ADGRB3: variants seen among roughly 807,000 people sequenced by gnomAD.
The protein encoded by ADGRB3 is adhesion G protein-coupled receptor B3.
A neutral mutation model predicts 193.4 loss-of-function variants in ADGRB3; 37 were observed. The ratio of observed to expected loss-of-function variants is 0.19; its 90% confidence interval spans 0.15 to 0.25. The LOEUF is 0.25. Ranked by LOEUF, ADGRB3 falls within the 10% of genes least tolerant of loss-of-function variation. The pLI is 1.00. For missense variants in ADGRB3, 1,637 were observed against 1,852.9 expected, an observed-to-expected ratio of 0.88 and a Z score of 2.14; for synonymous variants, 690 against 644.2, an observed-to-expected ratio of 1.07 and a Z score of -1.08.
intron 3 of ADGRB3, among the ~76,000 whole-genome samples, chr6:68,669,824 T>C (rs1221187248): frequency 2.0e-5 from 3 of 151,964 alleles, no homozygotes; most frequent in African/African-American, 7.2e-5. Context: ...GCTCAATTTT[T>C]AGATTTTTAC....
At chr6:69,070,598 G>A (rs774441099) in intron 16 of ADGRB3, among the ~76,000 whole-genome samples, 1 of 152,118 alleles carries the variant, frequency 6.6e-6, no homozygotes, top group Non-Finnish European at 1.5e-5. Flanking sequence ...TGTATCATGA[G>A]CAGTGATTCT....
intron 17 of ADGRB3, among the ~76,000 whole-genome samples, chr6:69,157,302 T>C (rs1013320110): frequency 6.6e-6 from 1 of 152,184 alleles, no homozygotes; most frequent in African/African-American, 2.4e-5. Flanking sequence ...GCAAGTGTCA[T>C]GTGCCAAGAA....
At chr6:68,708,492 G>T (rs118119914) in intron 3 of ADGRB3, among the ~76,000 whole-genome samples, 1 of 152,126 alleles carries the variant, frequency 6.6e-6, no homozygotes, top group Non-Finnish European at 1.5e-5. Flanking sequence ...TAAGAAAAAT[G>T]ACATTCTCCA....
intron 3 of ADGRB3, among the ~76,000 whole-genome samples, chr6:68,753,833 G>A (rs1264653718): frequency 1.3e-5 from 2 of 152,128 alleles, no homozygotes; most frequent in Admixed American, 6.6e-5. Context: ...TTTGGTTTGA[G>A]GTCCTGGAAG....
intron 5 of ADGRB3, among the ~76,000 whole-genome samples, chr6:68,940,547 C>CTTTTTTTTTTTT: frequency 1.6e-4 from 11 of 69,206 alleles, no homozygotes; most frequent in South Asian, 6.8e-4. Context: ...TGCTTTTGAA[C>CTTTTTTTTTTTT]TTTTTTTTTT....
chr6:69,350,370 A>G (rs1219702150), intron 26 of ADGRB3, among the ~76,000 whole-genome samples: 2 of 151,584 alleles, frequency 1.3e-5, no homozygotes, highest in East Asian at 1.9e-4. Context: ...TATTAGTTAC[A>G]TATCTGTTCC....
At chr6:69,000,017 C>T (rs995245843) in intron 11 of ADGRB3, among the ~76,000 whole-genome samples, 5 of 151,812 alleles carry the variant, frequency 3.3e-5, no homozygotes, top group Non-Finnish European at 5.9e-5. Flanking sequence ...ATAATTCATT[C>T]TGAATCTTAT....
intron 20 of ADGRB3, among the ~76,000 whole-genome samples, chr6:69,313,434 T>G (rs186924376): frequency 3.1e-4 from 47 of 151,996 alleles, no homozygotes; most frequent in African/African-American, 1.1e-3. Flanking sequence ...AATAAATGTC[T>G]TCTTGATAGG....
intron 3 of ADGRB3, among the ~76,000 whole-genome samples, chr6:68,789,941 G>T (rs139795655): frequency 1.3e-5 from 2 of 152,036 alleles, no homozygotes; most frequent in South Asian, 2.1e-4. Flanking sequence ...CCAGTTGATC[G>T]CATCGGCTAT....
intron 17 of ADGRB3, among the ~76,000 whole-genome samples, chr6:69,193,003 C>T (rs1051162710): frequency 1.3e-5 from 2 of 151,984 alleles, no homozygotes; most frequent in East Asian, 1.9e-4. Context: ...AGTTGGTGGT[C>T]GTTCTTTTTC....
chr6:69,230,218 A>G (rs892203920), intron 17 of ADGRB3, among the ~76,000 whole-genome samples: 2 of 152,352 alleles, frequency 1.3e-5, no homozygotes, highest in East Asian at 3.9e-4. Flanking sequence ...TGCTTCTGAT[A>G]TCATCAGTTA....
chr6:69,339,231 G>C, intron 25 of ADGRB3, 102 bp from the exon 26 acceptor site: 4 of 1,384,686 alleles, frequency 2.9e-6, no homozygotes, highest in Non-Finnish European at 3.9e-6. Flanking sequence ...CCAAGTTAAT[G>C]GTCTTGGAAC....
intron 3 of ADGRB3, among the ~76,000 whole-genome samples, chr6:68,752,318 C>A: frequency 6.7e-6 from 1 of 148,770 alleles, no homozygotes; most frequent in East Asian, 2.0e-4. Flanking sequence ...CTCTTGTCAC[C>A]CACATTGGAG....
intron 3 of ADGRB3, among the ~76,000 whole-genome samples, chr6:68,848,775 T>A (rs1768339488): frequency 6.6e-6 from 1 of 152,046 alleles, no homozygotes; most frequent in Non-Finnish European, 1.5e-5. Context: ...TGGTTCACCT[T>A]ATAAGTCGTT....
chr6:68,910,417 C>A (rs1766668454), intron 3 of ADGRB3, among the ~76,000 whole-genome samples: 1 of 152,116 alleles, frequency 6.6e-6, no homozygotes, highest in Non-Finnish European at 1.5e-5. Flanking sequence ...TTAATTAGAT[C>A]CCATTTGTCA....
At chr6:69,060,220 T>TTCTCTCTCTCTCTCTCTCTCTCTCTC (rs556453350) in intron 15 of ADGRB3, among the ~76,000 whole-genome samples, 6 of 129,534 alleles carry the variant, frequency 4.6e-5, no homozygotes, top group Non-Finnish European at 4.8e-5. Context: ...CTCTCTCTCT[T>TTCTCTCTCTCTCTCTCTCTCTCTCTC]TCTCTCTCTC....
chr6:68,672,062 T>A (rs1036727167), intron 3 of ADGRB3, among the ~76,000 whole-genome samples: 1 of 152,090 alleles, frequency 6.6e-6, no homozygotes, highest in Admixed American at 6.6e-5. Context: ...TAGTTGCTCA[T>A]AGTAGTCACT....
intron 20 of ADGRB3, among the ~76,000 whole-genome samples, chr6:69,256,250 G>T (rs922975702): frequency 6.6e-6 from 1 of 151,796 alleles, no homozygotes; most frequent in African/African-American, 2.4e-5. Context: ...AAAGTCATTG[G>T]TAGCTTGATG....
intron 13 of ADGRB3, among the ~76,000 whole-genome samples, chr6:69,040,694 A>AAAAAAAAAAAAAAAAC (rs1311485693): frequency 6.9e-6 from 1 of 145,930 alleles, no homozygotes; most frequent in Non-Finnish European, 1.5e-5. Context: ...AAAAAAAAAA[A>AAAAAAAAAAAAAAAAC]AAAAAAAAAA....
Sources: gnomAD v4.1 joint callset for allele counts (sites outside exome capture counted in the v4.1 genomes callset) on GRCh38, gnomAD v4.1.1 for gene constraint, MANE v1.5 for transcripts, NCBI Gene and HGNC (gene_info 2026-07-23, HGNC 2026-07-21) for gene names.